Variants in COL18A1 observed in about 807,000 individuals in gnomAD.
COL18A1 encodes the protein collagen alpha-1(XVIII) chain.
Under a neutral mutation model 168.0 loss-of-function variants are expected in COL18A1, and 133 were observed. The observed-to-expected ratio is 0.79, with a 90% CI of 0.69 to 0.91. COL18A1 has a LOEUF of 0.91. COL18A1 is among the 40% of genes least tolerant of loss of function. The probability of loss-of-function intolerance (pLI) is 0.00; values close to 1 mark genes in which losing one functional copy is unlikely to be tolerated. For missense variants in COL18A1, 2,126 were observed against 1,925.4 expected (o/e 1.10, Z -1.95); for synonymous variants, 949 against 809.0 (o/e 1.17, Z -2.94).
Position 45,443,058 on chromosome 21 carries a change from GGTGGTGGT to G in COL18A1, c.107-25182_107-25175del, listed in dbSNP as rs1275116573. On this transcript the variant is annotated intron_variant, in intron 2 of 41. Coordinates refer to ENST00000651438, the MANE Select transcript of COL18A1 (RefSeq NM_001379500.1). This position sits in a 1 kb window ranked among gnomAD's most constrained non-coding sequence, Gnocchi z 5.2. ...TGTGGGCGGCGGTGCTGGTGTGGGCGGTGGTGGTGCTGGTGTGGGTGGTGGTGGTGCTG... is the reference window on the plus strand; with the variant it reads ...TGTGGGCGGCGGTGCTGGTGTGGGCGGCTGGTGTGGGTGGTGGTGGTGCTG... Among the ~76,000 whole-genome samples the G allele has an allele frequency of 1.1e-4, 14 of 130,962 alleles. No homozygotes were observed. Among genetic ancestry groups the G allele is most frequent in the African/African-American group, 4.4e-4 (13 of 29,680 alleles). 85.9% of individuals were successfully genotyped at this position (130,962 alleles called of 152,430 possible).
chr21:45,506,085 C>G, intron 37 of COL18A1, 119 bp downstream of exon 37: 1 of 1,483,770 alleles, frequency 6.7e-7, no homozygotes, highest in Non-Finnish European at 9.3e-7. Flanking sequence ...GCAGCCAGCG[C>G]TTCTTAAACT....
At chr21:45,418,737 A>G (rs2033525216) in intron 2 of COL18A1, among the ~76,000 whole-genome samples, 3 of 150,174 alleles carry the variant, frequency 2.0e-5, no homozygotes, top group Non-Finnish European at 4.5e-5. Flanking sequence ...CTGGGGTCTC[A>G]GGGCAGCGGC....
rs768263848 is a variant in COL18A1, at chr21:45,512,200, C to T, written c.3822C>T (p.Ser1274=). The T allele has an allele frequency of 1.8e-5, 29 of 1,612,220 alleles. No individual in the cohort carries two copies. In the African/African-American group the frequency reaches 2.7e-4, roughly 15 times the overall value. ...VLRHPTWPQK[S]VWHGSDPNGR... ...GCGCGTCTTACAGGCCCCAGAAGAG[C>T]GTGTGGCATGGCTCGGACCCCAACG... The change falls in exon 42 of 42, where the codon AGC becomes AGT. Residue 1274 remains serine, a synonymous_variant. Coordinates refer to ENST00000651438, the MANE Select transcript of COL18A1 (RefSeq NM_001379500.1).
intron 38 of COL18A1, among the ~76,000 whole-genome samples, chr21:45,509,099 G>A (rs963579920): frequency 2.0e-5 from 3 of 152,128 alleles, no homozygotes; most frequent in African/African-American, 4.8e-5. Context: ...CGTGGTGAGT[G>A]ATTGCTGCGG....
intron 2 of COL18A1, among the ~76,000 whole-genome samples, chr21:45,410,629 C>T (rs1477529699): frequency 6.6e-6 from 1 of 152,256 alleles, no homozygotes; most frequent in Non-Finnish European, 1.5e-5. Flanking sequence ...CGTTGAGCAG[C>T]TTCAACATTT....
chr21:45,447,100 A>C (rs910884241), intron 2 of COL18A1, among the ~76,000 whole-genome samples: 6 of 152,168 alleles, frequency 3.9e-5, no homozygotes, highest in Non-Finnish European at 8.8e-5. Context: ...TTAACATTGT[A>C]CTGGAGGTTC....
Position 45,441,562 on chromosome 21 carries a change from C to T in COL18A1, c.107-26680C>T, listed in dbSNP as rs73909527. ...AGTCCTGCTGCCCGGTGGCTCTGGCCATGGTTCCCGTCCCGGGCTGTTCAT... is the reference window on the plus strand; with the variant it reads ...AGTCCTGCTGCCCGGTGGCTCTGGCTATGGTTCCCGTCCCGGGCTGTTCAT... On this transcript the variant is annotated intron_variant, in intron 2 of 41. Coordinates refer to ENST00000651438, the MANE Select transcript of COL18A1 (RefSeq NM_001379500.1). Among the ~76,000 whole-genome samples the T allele has an allele frequency of 5.4e-3, 826 of 152,314 alleles. 12 individuals carry two copies. Among genetic ancestry groups the T allele is most frequent in the African/African-American group, 0.019 (798 of 41,572 alleles).
chr21:45,459,527 C>A (rs543504361), intron 2 of COL18A1, among the ~76,000 whole-genome samples: 2 of 152,354 alleles, frequency 1.3e-5, no homozygotes, highest in East Asian at 3.9e-4. Flanking sequence ...TGGGCACTGC[C>A]CTGTGTGTCC....
intron 2 of COL18A1, among the ~76,000 whole-genome samples, chr21:45,429,203 G>A (rs968936374): frequency 4.6e-5 from 7 of 152,166 alleles, no homozygotes; most frequent in Admixed American, 3.9e-4. Flanking sequence ...GCCCAGCCGA[G>A]ACTACAGCTT....
intron 13 of COL18A1, 46 bp downstream of exon 13, chr21:45,480,904 G>C: frequency 6.4e-7 from 1 of 1,574,278 alleles, no homozygotes. Context: ...TGTCTGCTGG[G>C]AGTGAGGGGT....
intron 2 of COL18A1, among the ~76,000 whole-genome samples, chr21:45,411,418 T>G (rs891981280): frequency 7.2e-5 from 11 of 152,084 alleles, no homozygotes; most frequent in Non-Finnish European, 1.6e-4. Context: ...CCACCCGGCC[T>G]TTGATTCCTT....
rs1159895028 is a variant in COL18A1, at chr21:45,471,648, T to G, written c.652-2247T>G. Among the ~76,000 whole-genome samples, 1 of 152,186 alleles carries G rather than the reference T, an allele frequency of 6.6e-6. No individual in the cohort carries two copies. Among genetic ancestry groups the G allele is most frequent in the African/African-American group, 2.4e-5 (1 of 41,444 alleles). On this transcript the variant is annotated intron_variant, in intron 3 of 41. Coordinates refer to ENST00000651438, the MANE Select transcript of COL18A1 (RefSeq NM_001379500.1). The surrounding 1 kb of genome is among the most constrained non-coding windows in gnomAD (Gnocchi z 4.4). ...TCAGGTTCACTTTCTTGAGTCAGGT[T>G]TGTCAGTGGTCGTCTCCCGGGAAAT...
intron 5 of COL18A1, among the ~76,000 whole-genome samples, chr21:45,476,055 G>A (rs1322980062): frequency 6.6e-6 from 1 of 152,178 alleles, no homozygotes; most frequent in Non-Finnish European, 1.5e-5. Flanking sequence ...TTCCCTGCGG[G>A]GACCCTCTGC....
intron 2 of COL18A1, chr21:45,467,483 G>A (rs2035253922): frequency 1.0e-6 from 1 of 964,276 alleles, no homozygotes; most frequent in Non-Finnish European, 1.2e-6. Context: ...TCAGCATGGG[G>A]GGGATGGGGA....
chr21:45,426,838 G>T (rs2145773972), intron 2 of COL18A1, among the ~76,000 whole-genome samples: 1 of 152,338 alleles, frequency 6.6e-6, no homozygotes, highest in African/African-American at 2.4e-5. Flanking sequence ...GGGAGGCCTT[G>T]GAGGGTACCC....
intron 2 of COL18A1, among the ~76,000 whole-genome samples, chr21:45,466,121 G>A (rs2035200952): frequency 6.6e-6 from 1 of 152,168 alleles, no homozygotes; most frequent in African/African-American, 2.4e-5. Context: ...GGGCGCTTTG[G>A]CTCAGAGGCT....
intron 38 of COL18A1, 52 bp downstream of exon 38, chr21:45,507,645 G>A (rs771223547): frequency 8.5e-6 from 13 of 1,528,854 alleles, no homozygotes; most frequent in East Asian, 2.3e-5. Flanking sequence ...ACATGAGGGG[G>A]TATGTGCTGT....
intron 15 of COL18A1, among the ~76,000 whole-genome samples, chr21:45,486,280 G>GGAGGTAACGAGGGTGCCGT (rs1479834987): frequency 6.7e-6 from 1 of 148,746 alleles, no homozygotes; most frequent in East Asian, 2.0e-4. Flanking sequence ...AGCCAGGGCT[G>GGAGGTAACGAGGGTGCCGT]GTCCCAGGGT....
intron 2 of COL18A1, among the ~76,000 whole-genome samples, chr21:45,411,947 C>G (rs778866330): frequency 1.3e-5 from 2 of 152,154 alleles, no homozygotes; most frequent in Non-Finnish European, 2.9e-5. Context: ...TTGTGAGTCC[C>G]CATTGCCATG....
Sources: gnomAD v4.1 joint callset for allele counts (sites outside exome capture counted in the v4.1 genomes callset) on GRCh38, gnomAD v4.1.1 for gene constraint, Gnocchi (gnomAD v3.1) non-coding constraint, MANE v1.5 for transcripts, NCBI Gene and HGNC (gene_info 2026-07-23, HGNC 2026-07-21) for gene names.